Variants in MPRIP observed in about 807,000 individuals in gnomAD.
MPRIP encodes the protein myosin phosphatase Rho-interacting protein.
In MPRIP, 59 loss-of-function variants were observed where a neutral mutation model predicts 234.9. The observed-to-expected ratio is 0.25, with a 90% CI of 0.20 to 0.31. The LOEUF (loss-of-function observed/expected upper bound fraction) is 0.31. Ranked by LOEUF, MPRIP falls within the 10% of genes least tolerant of loss-of-function variation. The pLI is 1.00. For missense variants in MPRIP, 2,436 were observed against 3,071.0 expected (o/e 0.79, Z 4.89); for synonymous variants, 1,144 against 1,263.9 (o/e 0.91, Z 2.01).
chr17:17,152,728 T>C (rs1478220531), intron 12 of MPRIP, among the ~76,000 whole-genome samples: 1 of 152,160 alleles, frequency 6.6e-6, no homozygotes, highest in Non-Finnish European at 1.5e-5. Flanking sequence ...AAGATGCCAG[T>C]CAGTTGTGCG....
intron 3 of MPRIP, among the ~76,000 whole-genome samples, chr17:17,119,806 A>G (rs555725674): frequency 1.3e-5 from 2 of 152,372 alleles, no homozygotes; most frequent in African/African-American, 4.8e-5. Context: ...GTCACAGTGC[A>G]TATGAAAAAA....
At chr17:17,068,243 C>T (rs891227202) in intron 1 of MPRIP, among the ~76,000 whole-genome samples, 3 of 152,158 alleles carry the variant, frequency 2.0e-5, no homozygotes, top group East Asian at 1.9e-4. Context: ...CTCTGCCTCC[C>T]AGGTTCAAGC....
chr17:17,051,085 C>G (rs771440433), intron 1 of MPRIP, among the ~76,000 whole-genome samples: 2 of 152,228 alleles, frequency 1.3e-5, no homozygotes, highest in African/African-American at 2.4e-5. Context: ...CCTGCCTTCT[C>G]TTTGCAGAGT....
chr17:17,102,875 T>TAA (rs2089991204), intron 3 of MPRIP, among the ~76,000 whole-genome samples: 1 of 152,244 alleles, frequency 6.6e-6, no homozygotes, highest in Non-Finnish European at 1.5e-5. Context: ...GTAATTCTTC[T>TAA]TCCTGCCCTT....
chr17:17,050,253 T>G (rs2088492813), intron 1 of MPRIP, among the ~76,000 whole-genome samples: 1 of 146,508 alleles, frequency 6.8e-6, no homozygotes, highest in African/African-American at 2.6e-5. Context: ...AGGCGGAGCT[T>G]GCAGTGAGCT....
chr17:17,046,454 A>T (rs944316494), intron 1 of MPRIP, among the ~76,000 whole-genome samples: 1 of 152,194 alleles, frequency 6.6e-6, no homozygotes, highest in African/African-American at 2.4e-5. Context: ...CATCAAGCGC[A>T]TAAATTTTTT....
At chr17:17,060,810 G>A (rs913451386) in intron 1 of MPRIP, among the ~76,000 whole-genome samples, 2 of 152,216 alleles carry the variant, frequency 1.3e-5, no homozygotes, top group African/African-American at 2.4e-5. Flanking sequence ...ACAGTGGCTG[G>A]CTGTTTGTGG....
chr17:17,067,221 A>G (rs895923156), intron 1 of MPRIP, among the ~76,000 whole-genome samples: 1 of 152,038 alleles, frequency 6.6e-6, no homozygotes, highest in African/African-American at 2.4e-5. Flanking sequence ...TCAGCATATG[A>G]TTTTTTTTCT....
rs1451078670 is a variant in MPRIP at position 17,045,606 on chromosome 17, T to G, written c.123+2635T>G. 3.3e-5 allele frequency among the ~76,000 whole-genome samples: 5 copies of G among 152,210 alleles called. No individual in the cohort carries two copies. In the East Asian group the frequency reaches 9.6e-4, roughly 29 times the overall value. ...AGGACAATAATGTCAGGGATAGTTA[T>G]GTTGCAGGAGGTGCCTTGAGAATGC... On this transcript the variant is annotated intron_variant, in intron 1 of 23. Transcript: ENST00000651222.
chr17:17,094,367 G>C (rs562939685), intron 3 of MPRIP, among the ~76,000 whole-genome samples: 1 of 152,108 alleles, frequency 6.6e-6, no homozygotes, highest in African/African-American at 2.4e-5. Flanking sequence ...CATATGCAAG[G>C]GTCTGATTCC....
intron 3 of MPRIP, among the ~76,000 whole-genome samples, chr17:17,116,721 G>A (rs1289178379): frequency 9.9e-5 from 15 of 152,236 alleles, no homozygotes; most frequent in Admixed American, 9.8e-4. Context: ...TGCCCCGCAT[G>A]CATCTGCAGC....
In MPRIP at chr17:17,192,388, C is replaced by G. The variant is rs1439798735; in HGVS notation, c.*7494C>G. 8.3e-6 allele frequency: 1 copy of G among 120,876 alleles called. No individual in the cohort carries two copies. The highest frequency in any genetic ancestry group is 1.6e-5 in the Non-Finnish European group (1 of 64,034). The allele number at this position is 120,876 out of a possible 1,614,324, so 7.5% of individuals were successfully genotyped here. On this transcript the variant is annotated 3_prime_UTR_variant, in exon 24 of 24. Transcript: ENST00000651222. ...GGGCCATCCACTGTCAGGCCAGTGTCTCAAGAAAGCCTGACCAGCTGAGCT... is the reference window on the plus strand; with the variant it reads ...GGGCCATCCACTGTCAGGCCAGTGTGTCAAGAAAGCCTGACCAGCTGAGCT...
chr17:17,055,712 G>T (rs1305781631), intron 1 of MPRIP, among the ~76,000 whole-genome samples: 1 of 152,156 alleles, frequency 6.6e-6, no homozygotes, highest in Admixed American at 6.5e-5. Flanking sequence ...TGGAAACCCC[G>T]TGAGCCTGGG....
At chr17:17,054,031 G>T (rs949538295) in intron 1 of MPRIP, among the ~76,000 whole-genome samples, 1 of 151,968 alleles carries the variant, frequency 6.6e-6, no homozygotes, top group Non-Finnish European at 1.5e-5. Context: ...AAGTTTCTAC[G>T]GCATATTTCA....
chr17:17,098,615 G>A (rs1367795381), intron 3 of MPRIP, among the ~76,000 whole-genome samples: 3 of 152,314 alleles, frequency 2.0e-5, no homozygotes, highest in Non-Finnish European at 4.4e-5. Context: ...GAAGGAAGGG[G>A]AAAAGAGCAA....
rs1187601922 is a variant in MPRIP at position 17,165,747 on chromosome 17, C to T, written c.4156C>T (p.Leu1386=). ...SDTYLSIIHS[L]ETKLYVTEEK... ...CACGTACCTCTCCATCATCCACTCC[C>T]TGGAGACCAAGCTCTACGTCACAGA... is the stretch of plus-strand genomic sequence containing the variant. The change falls in exon 16 of 24, where the codon CTG becomes TTG. Residue 1386 remains leucine (L), a synonymous_variant. Coordinates refer to ENST00000651222, the MANE Select transcript of MPRIP (RefSeq NM_001364716.4). 1 of 1,304,804 alleles carries T rather than the reference C, an allele frequency of 7.7e-7. No individual in the cohort carries two copies. The highest frequency in any genetic ancestry group is 1.0e-6 in the Non-Finnish European group (1 of 989,000). The allele number at this position is 1,304,804 out of a possible 1,614,324, so 80.8% of individuals were successfully genotyped here. A position where few individuals can be genotyped will look rare whatever the true frequency, so the allele number is the denominator to read the frequency against.
In MPRIP at chr17:17,159,013, G is replaced by A. The variant is rs1267347064; in HGVS notation, c.2400+11G>A. ...CTGCTCGAGAAGGAGGTAATAGCCT[G>A]GGACCAGATCCCCACCCTGCTCCCA... On this transcript the variant is annotated intron_variant, in intron 14 of 23. Coordinates refer to ENST00000651222, the MANE Select transcript of MPRIP (RefSeq NM_001364716.4). 1.2e-6 allele frequency: 2 copies of A among 1,604,040 alleles called. No individual in the cohort carries two copies. The highest frequency in any genetic ancestry group is 2.3e-5 in the East Asian group (1 of 44,444).
intron 5 of MPRIP, 63 bp downstream of exon 5, chr17:17,131,764 G>C: frequency 6.9e-7 from 1 of 1,448,224 alleles, no homozygotes; most frequent in Admixed American, 1.7e-5. Flanking sequence ...AAGAAGTGAG[G>C]GCTCCCTGAG....
intron 3 of MPRIP, among the ~76,000 whole-genome samples, chr17:17,120,204 C>G (rs1218642963): frequency 6.6e-6 from 1 of 152,210 alleles, no homozygotes; most frequent in African/African-American, 2.4e-5. Flanking sequence ...CAAACAGCCT[C>G]TCACCATATT....
Sources: allele counts gnomAD v4.1 joint callset (sites outside exome capture counted in the v4.1 genomes callset), GRCh38; gene constraint gnomAD v4.1.1; transcripts MANE v1.5; gene names NCBI Gene and HGNC (gene_info 2026-07-23, HGNC 2026-07-21).